C10orf90: variants seen among roughly 807,000 people sequenced by gnomAD.
C10orf90 encodes chromosome 10 open reading frame 90, also known as (E2-independent) E3 ubiquitin-conjugating enzyme FATS.
C10orf90 carries 56 observed loss-of-function variants against 62.5 expected under a neutral mutation model. The ratio of observed to expected loss-of-function variants is 0.90; its 90% confidence interval spans 0.72 to 1.12. The LOEUF (loss-of-function observed/expected upper bound fraction) is 1.12, where lower values mean the gene tolerates loss of function less well. Among genes scored for constraint, C10orf90 ranks in the 50% most tolerant of loss-of-function variants. The pLI, the probability that C10orf90 is intolerant of heterozygous loss-of-function variation, is 0.00. For missense variants in C10orf90, 970 were observed against 880.4 expected, an observed-to-expected ratio of 1.10 and a Z score of -1.29; for synonymous variants, 386 against 340.4, an observed-to-expected ratio of 1.13 and a Z score of -1.47.
chr10:126,568,351 G>A (rs977347756), intron 2 of C10orf90, among the ~76,000 whole-genome samples: 5 of 152,058 alleles, frequency 3.3e-5, no homozygotes, highest in African/African-American at 1.2e-4. Flanking sequence ...TGTGGTTGTA[G>A]GACCACCGTC....
intron 2 of C10orf90, among the ~76,000 whole-genome samples, chr10:126,578,057 A>G (rs1368186812): frequency 1.3e-5 from 2 of 152,214 alleles, no homozygotes; most frequent in Non-Finnish European, 2.9e-5. Context: ...TTAAACAGCA[A>G]CATCATCACA....
At chr10:126,530,252 A>G (rs1267673880) in intron 2 of C10orf90, among the ~76,000 whole-genome samples, 1 of 152,184 alleles carries the variant, frequency 6.6e-6, no homozygotes, top group South Asian at 2.1e-4. Flanking sequence ...ATAAGAATGG[A>G]AACAGAAAAT....
At chr10:126,458,920 A>G in intron 7 of C10orf90, 120 bp downstream of exon 7, 1 of 1,110,926 alleles carries the variant, frequency 9.0e-7, no homozygotes, top group East Asian at 2.6e-5. Context: ...TTGGAGCCAT[A>G]ACAGGTTCTG....
rs148691827 is a variant in C10orf90, at chr10:126,512,886, G to T, written c.405+962C>A. ...CTTTCTCCATCTTGTGGGATTTCAG[G>T]CCCGGAGTCTCTGAAGGAAATGTTG... On this transcript the variant is annotated intron_variant, in intron 3 of 9. Coordinates refer to ENST00000488181, the MANE Select transcript of C10orf90 (RefSeq NM_001350921.2). Among the ~76,000 whole-genome samples the T allele has an allele frequency of 2.1e-4, 32 of 152,242 alleles. No individual in the cohort carries two copies. In the East Asian group the frequency reaches 6.0e-3, roughly 28 times the overall value.
chr10:126,451,580 T>C (rs951219119), intron 7 of C10orf90, among the ~76,000 whole-genome samples: 3 of 152,076 alleles, frequency 2.0e-5, no homozygotes, highest in East Asian at 1.9e-4. Context: ...TGCCTATTGA[T>C]TGGTCTATTG....
chr10:126,600,347 T>C (rs1845175426), intron 2 of C10orf90, among the ~76,000 whole-genome samples: 2 of 152,200 alleles, frequency 1.3e-5, no homozygotes, highest in Non-Finnish European at 2.9e-5. Flanking sequence ...GGCAATATTA[T>C]TATCTTCTCT....
intron 2 of C10orf90, among the ~76,000 whole-genome samples, chr10:126,528,080 G>A (rs937750150): frequency 1.3e-5 from 2 of 152,172 alleles, no homozygotes; most frequent in African/African-American, 4.8e-5. Flanking sequence ...ACTTTAGAGT[G>A]AGACAAAGCA....
chr10:126,507,135 A>C (rs1862787120), intron 3 of C10orf90, among the ~76,000 whole-genome samples: 1 of 152,136 alleles, frequency 6.6e-6, no homozygotes, highest in Non-Finnish European at 1.5e-5. Flanking sequence ...AGGCGGGTGG[A>C]TCATGAGGTC....
chr10:126,532,312 T>C (rs1048753974), intron 2 of C10orf90, among the ~76,000 whole-genome samples: 1 of 152,094 alleles, frequency 6.6e-6, no homozygotes, highest in African/African-American at 2.4e-5. Flanking sequence ...TCATTGTAAA[T>C]GTGATCGTCT....
intron 7 of C10orf90, among the ~76,000 whole-genome samples, chr10:126,452,665 A>C (rs1388562665): frequency 6.6e-6 from 1 of 152,210 alleles, no homozygotes; most frequent in Non-Finnish European, 1.5e-5. Flanking sequence ...TAATCAATAG[A>C]CATAAATTGG....
At chr10:126,494,437 T>C (rs996271104) in intron 4 of C10orf90, among the ~76,000 whole-genome samples, 1 of 152,088 alleles carries the variant, frequency 6.6e-6, no homozygotes, top group Non-Finnish European at 1.5e-5. Flanking sequence ...TGTTGCCCCA[T>C]GGGTCAAATG....
At chr10:126,618,500 A>C (rs879564740) in intron 2 of C10orf90, among the ~76,000 whole-genome samples, 20 of 152,130 alleles carry the variant, frequency 1.3e-4, no homozygotes, top group Non-Finnish European at 2.8e-4. Flanking sequence ...TTTAATTTAC[A>C]CTTGCTTGAT....
At chr10:126,487,142 C>CAAAAAAAAAAAAAAAAAAAA (rs1158481155) in intron 4 of C10orf90, among the ~76,000 whole-genome samples, 20 of 29,446 alleles carry the variant, frequency 6.8e-4, no homozygotes, top group Non-Finnish European at 8.4e-4. Flanking sequence ...AAAACTCTGT[C>CAAAAAAAAAAAAAAAAAAAA]AAAAAAAAAA....
intron 2 of C10orf90, among the ~76,000 whole-genome samples, chr10:126,547,176 T>G (rs1268746445): frequency 6.6e-6 from 1 of 151,376 alleles, no homozygotes; most frequent in Non-Finnish European, 1.5e-5. Flanking sequence ...TCCCAGCACT[T>G]TGGGAGGCCG....
chr10:126,610,149 A>C (rs752697919), intron 2 of C10orf90, among the ~76,000 whole-genome samples: 31 of 152,158 alleles, frequency 2.0e-4, no homozygotes, highest in Non-Finnish European at 3.8e-4. Flanking sequence ...GCTGACCTGC[A>C]TGGACCATGT....
intron 7 of C10orf90, among the ~76,000 whole-genome samples, chr10:126,448,488 A>T (rs1858951601): frequency 6.6e-6 from 1 of 152,188 alleles, no homozygotes. Context: ...CTAGAACTAG[A>T]AAAACAAGAA....
intron 2 of C10orf90, among the ~76,000 whole-genome samples, chr10:126,620,569 G>A (rs1845625464): frequency 6.6e-6 from 1 of 152,150 alleles, no homozygotes; most frequent in African/African-American, 2.4e-5. Context: ...AAAATAATTT[G>A]AAACTTTTAT....
At chr10:126,611,747 G>A (rs1845439596) in intron 2 of C10orf90, among the ~76,000 whole-genome samples, 1 of 152,168 alleles carries the variant, frequency 6.6e-6, no homozygotes, top group Non-Finnish European at 1.5e-5. Flanking sequence ...CCTTATTGCA[G>A]TGGCCAGAGA....
chr10:126,545,239 G>A (rs528776271), intron 2 of C10orf90, among the ~76,000 whole-genome samples: 1 of 152,250 alleles, frequency 6.6e-6, no homozygotes, highest in South Asian at 2.1e-4. Context: ...GCAAAAGGAG[G>A]TGAAATTGAG....
Sources: gnomAD v4.1 joint callset for allele counts (sites outside exome capture counted in the v4.1 genomes callset) on GRCh38, gnomAD v4.1.1 for gene constraint, MANE v1.5 for transcripts, NCBI Gene and HGNC (gene_info 2026-07-23, HGNC 2026-07-21) for gene names.